Variants in PHF23 observed in about 807,000 individuals in gnomAD.
PHF23 encodes the protein PHD finger protein 23, also known as PDH-containing protein JUNE-1.
A neutral mutation model predicts 36.0 loss-of-function variants in PHF23; 3 were observed. That is an observed-to-expected ratio of 0.08 (90% CI 0.04 to 0.22). The LOEUF (loss-of-function observed/expected upper bound fraction) is 0.22, where lower values mean the gene tolerates loss of function less well. Ranked by LOEUF, PHF23 falls within the 10% of genes least tolerant of loss-of-function variation. The probability of loss-of-function intolerance (pLI) is 1.00; values close to 1 mark genes in which losing one functional copy is unlikely to be tolerated. For synonymous variants in PHF23, 242 were observed against 192.5 expected (o/e 1.26, Z -2.13); for missense variants, 475 against 513.6 (o/e 0.92, Z 0.73).
intron 1 of PHF23, chr17:7,238,699 GCT>G: frequency 7.8e-7 from 1 of 1,285,004 alleles, no homozygotes; most frequent in Admixed American, 3.0e-5. Context: ...TTCCTGGCTC[GCT>G]CTCTCCACAA....
rs775272681 is a variant in PHF23 at position 7,236,711 on chromosome 17, G to A, written c.216C>T (p.Ala72=). The stretch of plus-strand genomic sequence containing the variant: ...GGGCCGAGTCCCAGCCATCACTGTC[G>A]GCCGCACTCTCTCCTCGCAATGGAG... The part of the protein sequence containing the change: ...SSSPLRGESA[A]DSDGWDSAPS... The change falls in exon 4 of 5, where the codon GCC becomes GCT. Residue 72 remains alanine (A), a synonymous_variant. Coordinates refer to ENST00000320316, the MANE Select transcript of PHF23 (RefSeq NM_024297.3). The surrounding 1 kb of genome is among the most constrained non-coding windows in gnomAD (Gnocchi z 5.1). 1.1e-5 allele frequency: 18 copies of A among 1,613,860 alleles called. No individual in the cohort carries two copies. The Admixed American group carries it at 1.2e-4, about 10-fold the overall frequency.
chr17:7,239,678 C>G (rs1440174323), upstream of PHF23: 1 of 154,644 alleles, frequency 6.5e-6, no homozygotes, highest in African/African-American at 2.4e-5. Flanking sequence ...CTGGCGCAGG[C>G]GCACCAAGCC....
Position 7,235,679 on chromosome 17 carries a change from G to A in PHF23, c.1159C>T (p.Leu387=), listed in dbSNP as rs772665970. The A allele has an allele frequency of 6.2e-7, 1 of 1,614,172 alleles. No individual in the cohort carries two copies. Among genetic ancestry groups the A allele is most frequent in the South Asian group, 1.1e-5 (1 of 91,084 alleles). The change falls in exon 5 of 5, where the codon CTG becomes TTG. Residue 387 remains leucine, a synonymous_variant. Coordinates refer to ENST00000320316, the MANE Select transcript of PHF23 (RefSeq NM_024297.3). ...CCTAACCGCCGGGCCTCTGGCCTCA[G>A]TTCCTTGCATTTCTGGCAATAAAAG... ...DFFYCQKCKE[L]RPEARRLGGP... is the part of the protein sequence containing the mutation.
chr17:7,237,271 T>C, intron 3 of PHF23, 114 bp downstream of exon 3: 1 of 962,960 alleles, frequency 1.0e-6, no homozygotes, highest in Non-Finnish European at 1.6e-6. Flanking sequence ...TTCCCTGGTC[T>C]TACATATAAT....
chr17:7,235,090 G>C lies in PHF23; in HGVS notation c.*536C>G, dbSNP rs1208671940. The C allele has an allele frequency of 5.9e-6, 1 of 170,122 alleles. No homozygotes were observed. The highest frequency in any genetic ancestry group is 2.4e-5 in the African/African-American group (1 of 41,610). 10.5% of individuals were successfully genotyped at this position (170,122 alleles called of 1,614,324 possible). On this transcript the variant is annotated 3_prime_UTR_variant, in exon 5 of 5. Transcript: ENST00000320316. Reference sequence around the variant, plus strand: ...CACGCAGGCTGTCTGTACAAACAGCGGCCGATATTATTAAAAACAAAAGAG... The same window carrying C: ...CACGCAGGCTGTCTGTACAAACAGCCGCCGATATTATTAAAAACAAAAGAG...
Position 7,235,238 on chromosome 17 carries a change from A to T in PHF23, c.*388T>A. The stretch of plus-strand genomic sequence containing the variant: ...ATTAAAAATACAACCGGTGTAGAAG[A>T]AAATAAATGGGGAGTGAAATAGAAG... On this transcript the variant is annotated 3_prime_UTR_variant, in exon 5 of 5. Coordinates refer to ENST00000320316, the MANE Select transcript of PHF23 (RefSeq NM_024297.3). 1 of 257,078 alleles carries T rather than the reference A, an allele frequency of 3.9e-6. No individual in the cohort carries two copies. The highest frequency in any genetic ancestry group is 7.7e-6 in the Non-Finnish European group (1 of 129,764). 15.9% of individuals were successfully genotyped at this position (257,078 alleles called of 1,614,324 possible). A position where few individuals can be genotyped will look rare whatever the true frequency, so the allele number is the denominator to read the frequency against.
intron 1 of PHF23, 106 bp from the exon 2 acceptor site, chr17:7,237,766 C>T: frequency 7.5e-7 from 1 of 1,329,846 alleles, no homozygotes; most frequent in Middle Eastern, 2.0e-4. Context: ...TCCCAGGTCC[C>T]TCTGCCAGGC....
rs939474812 is a variant in PHF23, at chr17:7,236,986, C to T, written c.160-219G>A. ...TCTACCCTCAAGTCTGACACCTCAC[C>T]GCTGCCCCTGCCCAGGGCCTGTGGA... On this transcript the variant is annotated intron_variant, in intron 3 of 4. Coordinates refer to ENST00000320316, the MANE Select transcript of PHF23 (RefSeq NM_024297.3). This position sits in a 1 kb window ranked among gnomAD's most constrained non-coding sequence, Gnocchi z 5.1. 3.3e-5 allele frequency among the ~76,000 whole-genome samples: 5 copies of T among 152,192 alleles called. No individual in the cohort carries two copies. The highest frequency in any genetic ancestry group is 9.7e-5 in the African/African-American group (4 of 41,436).
At chr17:7,240,618 G>C, upstream of PHF23, 1 of 508,272 alleles carries the variant, frequency 2.0e-6, no homozygotes, top group Non-Finnish European at 3.5e-6. Flanking sequence ...GAAGTCTACA[G>C]CAGGATGGGA....
At chr17:7,239,938 C>G (rs1400763361), upstream of PHF23, 2 of 152,288 alleles carry the variant, frequency 1.3e-5, no homozygotes, top group Non-Finnish European at 2.9e-5. Flanking sequence ...GGCTCCCGCT[C>G]CCAGTCTTCT....
At chr17:7,237,541 A>G in intron 2 of PHF23, 64 bp from the exon 3 acceptor site, 1 of 1,580,676 alleles carries the variant, frequency 6.3e-7, no homozygotes, top group South Asian at 1.1e-5. Context: ...ATTCCCAGAA[A>G]CACAGTCCCT....
At chr17:7,238,255 G>A (rs1416810246) in intron 1 of PHF23, 2 of 138,004 alleles carry the variant, frequency 1.4e-5, no homozygotes, top group Admixed American at 7.0e-5. Context: ...GACAGACCCG[G>A]GAGCTCTAAC....
intron 1 of PHF23, chr17:7,238,631 G>T: frequency 1.5e-6 from 1 of 650,516 alleles, no homozygotes; most frequent in Non-Finnish European, 1.7e-6. Flanking sequence ...ACAAGTCGCC[G>T]GTCTTAACCC....
At position 7,236,104 on chromosome 17, in the gene PHF23, G is replaced by T; in HGVS notation, c.823C>A (p.Leu275Met). The change falls in exon 4 of 5, where the codon CTG becomes ATG. Residue 275 changes from leucine (L) to methionine (M), a missense_variant. Around this residue, in one of 5 missense-constraint regions of PHF23, gnomAD observed 350 missense variants for 319.8 expected, o/e 1.09. Transcript: ENST00000320316. This position sits in a 1 kb window ranked among gnomAD's most constrained non-coding sequence, Gnocchi z 5.1. Reference protein sequence around the residue: ...VVGGEAPVPVLPTPPEAPRPP... With the variant: ...VVGGEAPVPVMPTPPEAPRPP... The stretch of plus-strand genomic sequence containing the variant: ...CTAGGAGCCTCAGGGGGTGTTGGCA[G>T]CACAGGGACTGGGGCTTCACCCCCT... 6.2e-7 allele frequency: 1 copy of T among 1,612,512 alleles called. No homozygotes were observed. Among genetic ancestry groups the T allele is most frequent in the Non-Finnish European group, 8.5e-7 (1 of 1,179,260 alleles).
In PHF23 at chr17:7,235,503, C is replaced by T; in HGVS notation, c.*123G>A. On this transcript the variant is annotated 3_prime_UTR_variant, in exon 5 of 5. Coordinates refer to ENST00000320316, the MANE Select transcript of PHF23 (RefSeq NM_024297.3). ...AGACACTCATTTTCAAACAAGTCTC[C>T]CTTGAGAATTCCTGCCTTGAAGTGC... The T allele has an allele frequency of 1.0e-6, 1 of 978,948 alleles. No homozygotes were observed. Among genetic ancestry groups the T allele is most frequent in the Non-Finnish European group, 1.6e-6 (1 of 643,498 alleles). The allele number at this position is 978,948 out of a possible 1,614,324, so 60.6% of individuals were successfully genotyped here. A position where few individuals can be genotyped will look rare whatever the true frequency, so the allele number is the denominator to read the frequency against.
upstream of PHF23, chr17:7,240,340 C>G (rs1312406024): frequency 6.4e-6 from 1 of 157,064 alleles, no homozygotes; most frequent in African/African-American, 2.4e-5. Flanking sequence ...CTCTTCTTTC[C>G]CCACCACTGA....
At chr17:7,237,807 C>T (rs896768523) in intron 1 of PHF23, 147 bp from the exon 2 acceptor site, 43 of 897,316 alleles carry the variant, frequency 4.8e-5, no homozygotes, top group Non-Finnish European at 6.3e-5. Context: ...TGGATCCGCC[C>T]CGGCTCCCCC....
In PHF23 at chr17:7,237,496, G is replaced by A. The variant is rs765600773; in HGVS notation, c.67-19C>T. 2 of 1,610,872 alleles carry A rather than the reference G, an allele frequency of 1.2e-6. No individual in the cohort carries two copies. Among genetic ancestry groups the A allele is most frequent in the African/African-American group, 2.7e-5 (2 of 74,806 alleles). ...CTGGTGGCTGAAAGGAAGGAGATAT[G>A]GATCACATGCAAAGCCACACAGTTT... On this transcript the variant is annotated intron_variant, in intron 2 of 4. Coordinates refer to ENST00000320316, the MANE Select transcript of PHF23 (RefSeq NM_024297.3).
At chr17:7,237,803 C>T (rs2071701178) in intron 1 of PHF23, 143 bp from the exon 2 acceptor site, 8 of 942,170 alleles carry the variant, frequency 8.5e-6, no homozygotes, top group East Asian at 7.9e-5. Flanking sequence ...GTGTTGGATC[C>T]GCCCCGGCTC....
Sources: gnomAD v4.1 joint callset for allele counts (sites outside exome capture counted in the v4.1 genomes callset) on GRCh38, gnomAD v4.1.1 for gene constraint, gnomAD v4.1.1 regional missense constraint, Gnocchi (gnomAD v3.1) non-coding constraint, MANE v1.5 for transcripts, NCBI Gene and HGNC (gene_info 2026-07-23, HGNC 2026-07-21) for gene names.